Variants in ALDH1L2 observed in about 807,000 individuals in gnomAD.
ALDH1L2 encodes the protein mitochondrial 10-formyltetrahydrofolate dehydrogenase.
Under a neutral mutation model 111.0 loss-of-function variants are expected in ALDH1L2, and 91 were observed. That is an observed-to-expected ratio of 0.82 (90% CI 0.69 to 0.98). The LOEUF is 0.98. Among genes scored for constraint, ALDH1L2 ranks in the 50% least tolerant of loss-of-function variants. The probability of loss-of-function intolerance (pLI) is 0.00; values close to 1 mark genes in which losing one functional copy is unlikely to be tolerated. For missense variants in ALDH1L2, 995 were observed against 1,126.8 expected (o/e 0.88, Z 1.67); for synonymous variants, 374 against 392.6 (o/e 0.95, Z 0.56).
intron 13 of ALDH1L2, chr12:105,048,202 C>T (rs1381360818): frequency 6.6e-6 from 1 of 152,074 alleles, no homozygotes; most frequent in Non-Finnish European, 1.5e-5. Flanking sequence ...GTTTCCAATC[C>T]TCAAAACATA....
rs142990812 is a variant in ALDH1L2 at position 105,080,852 on chromosome 12, T to C, written c.48+3537A>G. ...GATGCTTAACCTAGTACCTACTTCA[T>C]TGAGATATCATGAGGATTAAAGGAG... On this transcript the variant is annotated intron_variant, in intron 1 of 22. Coordinates refer to ENST00000258494, the MANE Select transcript of ALDH1L2 (RefSeq NM_001034173.4). 1.2e-3 allele frequency among the ~76,000 whole-genome samples: 179 copies of C among 152,346 alleles called. 1 individual carries two copies. Among genetic ancestry groups the C allele is most frequent in the African/African-American group, 3.8e-3 (159 of 41,588 alleles).
At chr12:105,043,187 G>A (rs1375385178) in intron 15 of ALDH1L2, among the ~76,000 whole-genome samples, 2 of 152,338 alleles carry the variant, frequency 1.3e-5, no homozygotes, top group African/African-American at 2.4e-5. Context: ...GAGGGTGGCA[G>A]TGGTTCCTTC....
rs569575361 is a variant in ALDH1L2, at chr12:105,064,527, T to G, written c.786+740A>C. 1.8e-4 allele frequency among the ~76,000 whole-genome samples: 27 copies of G among 152,284 alleles called. No homozygotes were observed. In the South Asian group the frequency reaches 3.5e-3, roughly 20 times the overall value. On this transcript the variant is annotated intron_variant, in intron 6 of 22. Coordinates refer to ENST00000258494, the MANE Select transcript of ALDH1L2 (RefSeq NM_001034173.4). ...CTTAGTATGTACCCAGACTCCTGCT[T>G]AACTGCTGAGATTATCAAGACAATC...
chr12:105,042,326 G>T (rs1875588197), intron 15 of ALDH1L2, among the ~76,000 whole-genome samples: 1 of 152,134 alleles, frequency 6.6e-6, no homozygotes, highest in East Asian at 1.9e-4. Context: ...AAAACATAGA[G>T]AAAGTAATTT....
At chr12:105,082,283 C>T (rs570946780) in intron 1 of ALDH1L2, among the ~76,000 whole-genome samples, 5 of 152,298 alleles carry the variant, frequency 3.3e-5, no homozygotes, top group African/African-American at 9.6e-5. Flanking sequence ...CACACAGTCA[C>T]GTAACCACTA....
intron 2 of ALDH1L2, 110 bp downstream of exon 2, chr12:105,073,751 T>G: frequency 7.0e-6 from 10 of 1,432,802 alleles, no homozygotes; most frequent in Non-Finnish European, 9.5e-6. Context: ...CTTGCTGGAA[T>G]GGCGCTGTGA....
At position 105,039,782 on chromosome 12, in the gene ALDH1L2, GA is replaced by G; in HGVS notation, c.1975del (p.Ser659LeufsTer22). On this transcript the variant is annotated frameshift_variant, in exon 17 of 23. Coordinates refer to ENST00000258494, the MANE Select transcript of ALDH1L2 (RefSeq NM_001034173.4). LOFTEE classifies it high-confidence loss of function. ...AAGTTTGCGGATGTCAGGATGTTCAGACAGACGTTGTCCTGCTATGCCACCT... is the reference window on the plus strand; with the variant it reads ...AAGTTTGCGGATGTCAGGATGTTCAGCAGACGTTGTCCTGCTATGCCACCT... ...GSGGIAGQRLSEHPDIRKLGF... is the reference protein window; with the variant it reads ...GSGGIAGQRLXEHPDIRKLGF... 1 of 1,614,036 alleles carries G rather than the reference GA, an allele frequency of 6.2e-7. No homozygotes were observed. Among genetic ancestry groups the G allele is most frequent in the Non-Finnish European group, 8.5e-7 (1 of 1,179,968 alleles).
chr12:105,082,273 C>T (rs1878368697), intron 1 of ALDH1L2, among the ~76,000 whole-genome samples: 1 of 150,948 alleles, frequency 6.6e-6, no homozygotes, highest in Non-Finnish European at 1.5e-5. Flanking sequence ...TTTTAACAAA[C>T]ACACAGTCAC....
chr12:105,082,574 G>T (rs1291114314), intron 1 of ALDH1L2, among the ~76,000 whole-genome samples: 1 of 152,136 alleles, frequency 6.6e-6, no homozygotes, highest in African/African-American at 2.4e-5. Context: ...TGTATGGATG[G>T]ATATACCACA....
At chr12:105,066,231 G>A (rs1374938453) in intron 5 of ALDH1L2, among the ~76,000 whole-genome samples, 1 of 152,174 alleles carries the variant, frequency 6.6e-6, no homozygotes, top group Non-Finnish European at 1.5e-5. Context: ...GACTGAAGAG[G>A]CGTTTCTGGG....
chr12:105,043,375 G>A (rs906508265), intron 15 of ALDH1L2, among the ~76,000 whole-genome samples: 1 of 152,212 alleles, frequency 6.6e-6, no homozygotes, highest in African/African-American at 2.4e-5. Flanking sequence ...AAACAAGAAA[G>A]AGGCAGGGCC....
Position 105,034,374 on chromosome 12 carries a change from T to C in ALDH1L2, c.2170A>G (p.Lys724Glu), listed in dbSNP as rs758523546. The C allele has an allele frequency of 1.2e-6, 2 of 1,610,754 alleles. No individual in the cohort carries two copies. The highest frequency in any genetic ancestry group is 8.5e-7 in the Non-Finnish European group (1 of 1,179,218). Residue 724 changes from lysine (K) to glutamate (E), a missense_variant, in exon 19 of 23, where the codon AAA (lysine) becomes GAA (glutamate). Lys to Glu is a moderately conservative substitution (Grantham distance 56). Coordinates refer to ENST00000258494, the MANE Select transcript of ALDH1L2 (RefSeq NM_001034173.4). Reference protein sequence around the residue: ...RMGMGAVFFNKGENCIAAGRL... With the variant: ...RMGMGAVFFNEGENCIAAGRL... ...CCAGCAGCAATACAGTTCTCTCCTT[T>C]GTTGAAAAATACTGCTCCCATGCCC...
At chr12:105,067,215 C>CAAAAA (rs11334156) in intron 4 of ALDH1L2, among the ~76,000 whole-genome samples, 69 of 97,088 alleles carry the variant, frequency 7.1e-4, no homozygotes, top group Non-Finnish European at 8.6e-4. Context: ...GACTCTGTCT[C>CAAAAA]AAAAAAAAAA....
At chr12:105,025,449 GA>G (rs1874363125) in intron 22 of ALDH1L2, among the ~76,000 whole-genome samples, 1 of 152,176 alleles carries the variant, frequency 6.6e-6, no homozygotes, top group African/African-American at 2.4e-5. Context: ...AAAGATGGGT[GA>G]AACAGGGATG....
intron 22 of ALDH1L2, 111 bp from the exon 23 acceptor site, chr12:105,024,590 T>C: frequency 9.3e-7 from 1 of 1,078,048 alleles, no homozygotes; most frequent in Non-Finnish European, 1.4e-6. Flanking sequence ...GTAAATAGAA[T>C]GTGGCCTAAG....
intron 4 of ALDH1L2, among the ~76,000 whole-genome samples, chr12:105,067,231 AAAAAG>A (rs1388285452): frequency 6.8e-6 from 1 of 146,220 alleles, no homozygotes; most frequent in Non-Finnish European, 1.5e-5. Flanking sequence ...AAAAAAAAAA[AAAAAG>A]AAAAGAAAAA....
intron 4 of ALDH1L2, among the ~76,000 whole-genome samples, chr12:105,067,126 G>T (rs1214420219): frequency 1.3e-5 from 2 of 148,346 alleles, no homozygotes; most frequent in Non-Finnish European, 3.0e-5. Context: ...TGAGGCAGGA[G>T]AATGGCGTGA....
At chr12:105,060,827 GAAA>G (rs10674036) in intron 9 of ALDH1L2, 151 bp downstream of exon 9, 310 of 139,906 alleles carry the variant, frequency 2.2e-3, no homozygotes, top group East Asian at 2.9e-3. Flanking sequence ...TCCATCTCAG[GAAA>G]AAAAAAAAAA....
chr12:105,025,376 A>G (rs1249672675), intron 22 of ALDH1L2, among the ~76,000 whole-genome samples: 1 of 152,218 alleles, frequency 6.6e-6, no homozygotes, highest in African/African-American at 2.4e-5. Context: ...GGAAGAAACT[A>G]TTAGAAAAAC....
Sources: allele counts gnomAD v4.1 joint callset (sites outside exome capture counted in the v4.1 genomes callset), GRCh38; gene constraint gnomAD v4.1.1; transcripts MANE v1.5; gene names NCBI Gene and HGNC (gene_info 2026-07-23, HGNC 2026-07-21).